Variants in PDE4D observed in about 807,000 individuals in gnomAD.
PDE4D encodes phosphodiesterase 4D.
In PDE4D, 24 loss-of-function variants were observed where a neutral mutation model predicts 87.4. The ratio of observed to expected loss-of-function variants is 0.27; its 90% CI spans 0.20 to 0.39. PDE4D has a LOEUF of 0.39. Among genes scored for constraint, PDE4D ranks in the 10% least tolerant of loss-of-function variants. PDE4D has a pLI of 1.00. For missense variants in PDE4D, 714 were observed against 1,041.0 expected (o/e 0.69, Z 4.32); for synonymous variants, 384 against 383.2 (o/e 1.00, Z -0.02).
chr5:59,430,175 G>A, intron 1 of PDE4D: 2 of 906,372 alleles, frequency 2.2e-6, no homozygotes, highest in East Asian at 3.3e-5. Context: ...CCAGTGTGTT[G>A]AATAAAAACT....
At chr5:59,547,547 T>G (rs1238529636) in intron 1 of PDE4D, among the ~76,000 whole-genome samples, 1 of 152,168 alleles carries the variant, frequency 6.6e-6, no homozygotes, top group Admixed American at 6.6e-5. Flanking sequence ...TTTTTGACAG[T>G]TTTATCTCAG....
chr5:60,495,515 G>A (rs1749765325), intron 1 of PDE4D, among the ~76,000 whole-genome samples: 1 of 152,162 alleles, frequency 6.6e-6, no homozygotes, highest in African/African-American at 2.4e-5. Flanking sequence ...CACTCCTTAA[G>A]AATCATTGAG....
At chr5:59,715,607 G>A (rs189446503) in intron 1 of PDE4D, among the ~76,000 whole-genome samples, 1 of 152,310 alleles carries the variant, frequency 6.6e-6, no homozygotes, top group Non-Finnish European at 1.5e-5. Flanking sequence ...GTGGTCTATC[G>A]AGGCTTAACC....
At chr5:59,168,935 CTT>C (rs1196101879) in intron 5 of PDE4D, among the ~76,000 whole-genome samples, 1 of 152,160 alleles carries the variant, frequency 6.6e-6, no homozygotes, top group Admixed American at 6.5e-5. Context: ...GTGTCTACCT[CTT>C]TGGATATCAT....
At chr5:60,507,031 C>T (rs1750355456) in intron 1 of PDE4D, among the ~76,000 whole-genome samples, 1 of 152,070 alleles carries the variant, frequency 6.6e-6, no homozygotes, top group Non-Finnish European at 1.5e-5. Flanking sequence ...CTATATATGC[C>T]ATGATTATTT....
At chr5:59,827,891 C>T (rs1770511307) in intron 1 of PDE4D, among the ~76,000 whole-genome samples, 1 of 152,022 alleles carries the variant, frequency 6.6e-6, no homozygotes, top group Non-Finnish European at 1.5e-5. Context: ...AAAATTGGCT[C>T]TTGGAATTAT....
intron 1 of PDE4D, among the ~76,000 whole-genome samples, chr5:60,473,395 T>C (rs1485187578): frequency 2.6e-5 from 4 of 151,962 alleles, no homozygotes; most frequent in East Asian, 1.9e-4. Flanking sequence ...TATTACCACA[T>C]AGGGGTAATG....
In PDE4D at chr5:59,010,072, T is replaced by A. The variant is rs1752454313; in HGVS notation, c.922-16607A>T. Among the ~76,000 whole-genome samples the A allele has an allele frequency of 3.3e-5, 5 of 152,314 alleles. No homozygotes were observed. In the South Asian group the frequency reaches 1.0e-3, roughly 32 times the overall value. ...AGGGCGCTGTGGCTCATGCCTGTAA[T>A]CCTAGCACTTTAGGAGGCCGAGGCA... On this transcript the variant is annotated intron_variant, in intron 6 of 14. Transcript: ENST00000340635.
intron 1 of PDE4D, among the ~76,000 whole-genome samples, chr5:59,411,974 G>A (rs962464351): frequency 1.3e-5 from 2 of 151,962 alleles, no homozygotes; most frequent in Non-Finnish European, 1.5e-5. Flanking sequence ...ATCAATTATC[G>A]TGCATCTATT....
chr5:60,363,748 G>C (rs1760283378), intron 1 of PDE4D, among the ~76,000 whole-genome samples: 1 of 152,204 alleles, frequency 6.6e-6, no homozygotes, highest in Non-Finnish European at 1.5e-5. Context: ...TCTGGAGAAA[G>C]AGCCATATAG....
At chr5:60,288,495 G>T (rs997016611) in intron 1 of PDE4D, among the ~76,000 whole-genome samples, 2 of 152,082 alleles carry the variant, frequency 1.3e-5, no homozygotes, top group African/African-American at 4.8e-5. Context: ...ATACAATGAA[G>T]AATGCATTAA....
intron 1 of PDE4D, among the ~76,000 whole-genome samples, chr5:59,536,795 A>T (rs1392871589): frequency 6.6e-6 from 1 of 152,200 alleles, no homozygotes; most frequent in Non-Finnish European, 1.5e-5. Flanking sequence ...AAATATGGCT[A>T]ATCTGTATTT....
At chr5:59,476,943 A>G (rs1478727204) in intron 1 of PDE4D, among the ~76,000 whole-genome samples, 2 of 152,066 alleles carry the variant, frequency 1.3e-5, no homozygotes, top group Admixed American at 6.6e-5. Context: ...ATTGAATCTC[A>G]TAAGTTTCAA....
At chr5:59,821,119 G>T (rs1769593869) in intron 1 of PDE4D, among the ~76,000 whole-genome samples, 1 of 152,086 alleles carries the variant, frequency 6.6e-6, no homozygotes, top group Admixed American at 6.5e-5. Context: ...TGTAGTCCCA[G>T]CTACTTGGGA....
At chr5:60,471,053 C>T (rs911164846) in intron 1 of PDE4D, among the ~76,000 whole-genome samples, 2 of 152,112 alleles carry the variant, frequency 1.3e-5, no homozygotes, top group Non-Finnish European at 2.9e-5. Flanking sequence ...AAAGAATTCA[C>T]CATTCTAGAT....
At chr5:60,427,716 A>C (rs983047450) in intron 1 of PDE4D, among the ~76,000 whole-genome samples, 3 of 152,206 alleles carry the variant, frequency 2.0e-5, no homozygotes, top group African/African-American at 4.8e-5. Flanking sequence ...CAAAAGTGAA[A>C]ACACTCTAAG....
intron 1 of PDE4D, among the ~76,000 whole-genome samples, chr5:60,471,552 T>C (rs558556639): frequency 1.6e-4 from 25 of 152,192 alleles, no homozygotes; most frequent in African/African-American, 5.3e-4. Flanking sequence ...GCAAATTTCA[T>C]TGTTGTCTTA....
intron 1 of PDE4D, among the ~76,000 whole-genome samples, chr5:59,677,918 C>T (rs535581319): frequency 6.6e-6 from 1 of 152,250 alleles, no homozygotes; most frequent in East Asian, 1.9e-4. Flanking sequence ...ATGATTATCT[C>T]CTCCATTAAA....
intron 10 of PDE4D, among the ~76,000 whole-genome samples, chr5:58,989,302 T>C (rs904477682): frequency 1.3e-5 from 2 of 152,138 alleles, no homozygotes; most frequent in Non-Finnish European, 2.9e-5. Flanking sequence ...GAAAATCAAA[T>C]TGCTTTAGTA....
Sources: allele counts gnomAD v4.1 joint callset (sites outside exome capture counted in the v4.1 genomes callset), GRCh38; gene constraint gnomAD v4.1.1; transcripts MANE v1.5; gene names NCBI Gene and HGNC (gene_info 2026-07-23, HGNC 2026-07-21).